The following NTM variants were observed in gnomAD, a reference collection of about 807,000 sequenced individuals.
NTM encodes the protein neurotrimin, also known as IgLON family member 2.
In NTM, 13 loss-of-function variants were observed where a neutral mutation model predicts 42.1. The ratio of observed to expected loss-of-function variants is 0.31; its 90% confidence interval spans 0.20 to 0.49. The LOEUF (loss-of-function observed/expected upper bound fraction) is 0.49. Among genes scored for constraint, NTM ranks in the 20% least tolerant of loss-of-function variants. The pLI, the probability that NTM is intolerant of heterozygous loss-of-function variation, is 0.99. For synonymous variants in NTM, 187 were observed against 179.2 expected, an observed-to-expected ratio of 1.04 and a Z score of -0.35; for missense variants, 373 against 452.8, an observed-to-expected ratio of 0.82 and a Z score of 1.60.
chr11:132,178,173 T>A (rs1327952330), intron 3 of NTM, among the ~76,000 whole-genome samples: 2 of 152,314 alleles, frequency 1.3e-5, no homozygotes, highest in African/African-American at 4.8e-5. Context: ...GGAGGCTGGC[T>A]CCGCAGGATC....
chr11:132,220,440 A>G (rs904221445), intron 4 of NTM, among the ~76,000 whole-genome samples: 1 of 152,242 alleles, frequency 6.6e-6, no homozygotes, highest in African/African-American at 2.4e-5. Context: ...TTTAATATTT[A>G]TGATCTGGTT....
At chr11:132,308,264 T>C (rs2095164161) in intron 5 of NTM, among the ~76,000 whole-genome samples, 1 of 152,226 alleles carries the variant, frequency 6.6e-6, no homozygotes, top group Non-Finnish European at 1.5e-5. Context: ...CTTCCATTTA[T>C]GGTATGTCTA....
chr11:132,061,522 T>C (rs943132964), intron 2 of NTM, among the ~76,000 whole-genome samples: 1 of 152,206 alleles, frequency 6.6e-6, no homozygotes, highest in Non-Finnish European at 1.5e-5. Context: ...TGAGTTAGAT[T>C]GAATCAAATT....
At chr11:131,644,947 G>C (rs939528930) in intron 1 of NTM, among the ~76,000 whole-genome samples, 2 of 152,050 alleles carry the variant, frequency 1.3e-5, no homozygotes, top group African/African-American at 4.8e-5. Context: ...TCCATCAAGT[G>C]CTCCTTCGAC....
chr11:131,550,562 C>A (rs1177706154), intron 1 of NTM, among the ~76,000 whole-genome samples: 1 of 152,168 alleles, frequency 6.6e-6, no homozygotes, highest in Non-Finnish European at 1.5e-5. Flanking sequence ...GCCTTCTTCC[C>A]CTTCGCCTTC....
intron 1 of NTM, among the ~76,000 whole-genome samples, chr11:131,826,649 A>G (rs930150461): frequency 3.3e-5 from 5 of 151,596 alleles, no homozygotes; most frequent in Non-Finnish European, 7.4e-5. Context: ...AAAGGCCAGG[A>G]GTGGGAGGGC....
chr11:132,191,007 C>T (rs902821772), intron 3 of NTM, among the ~76,000 whole-genome samples: 3 of 151,912 alleles, frequency 2.0e-5, no homozygotes, highest in Non-Finnish European at 4.4e-5. Context: ...GTGGAATGTC[C>T]GTGCAAACAG....
Position 132,219,292 on chromosome 11 carries a change from A to G in NTM, c.526+7145A>G, listed in dbSNP as rs149185011. Among the ~76,000 whole-genome samples, 1,260 of 152,174 alleles carry G rather than the reference A, an allele frequency of 8.3e-3. 21 individuals carry two copies. The highest frequency in any genetic ancestry group is 0.029 in the African/African-American group (1,207 of 41,512). On this transcript the variant is annotated intron_variant, in intron 4 of 8. Coordinates refer to ENST00000683400, the MANE Select transcript of NTM (RefSeq NM_001352005.2). Reference sequence around the variant, plus strand: ...CAGCACTTTGCGTGCATTTCCAACTATGGCACCTCTTACAGGTACTCAAGG... The same window carrying G: ...CAGCACTTTGCGTGCATTTCCAACTGTGGCACCTCTTACAGGTACTCAAGG...
intron 2 of NTM, among the ~76,000 whole-genome samples, chr11:131,939,826 C>G (rs956491791): frequency 3.3e-5 from 5 of 152,092 alleles, no homozygotes; most frequent in African/African-American, 9.7e-5. Context: ...ATGTTATGCT[C>G]TGTGTACAGA....
At chr11:132,174,315 G>C (rs1427003516) in intron 3 of NTM, among the ~76,000 whole-genome samples, 1 of 152,154 alleles carries the variant, frequency 6.6e-6, no homozygotes, top group Non-Finnish European at 1.5e-5. Flanking sequence ...ACTGCAAAGA[G>C]TTATTGTAAG....
chr11:131,850,286 T>G (rs1019683827), intron 1 of NTM, among the ~76,000 whole-genome samples: 1 of 152,136 alleles, frequency 6.6e-6, no homozygotes, highest in South Asian at 2.1e-4. Context: ...TAGGTTAAAT[T>G]TGCATACTTG....
chr11:132,051,949 G>A (rs2078912621), intron 2 of NTM, among the ~76,000 whole-genome samples: 1 of 152,180 alleles, frequency 6.6e-6, no homozygotes, highest in South Asian at 2.1e-4. Context: ...AGCTCACTGA[G>A]GGATGTTACT....
intron 2 of NTM, among the ~76,000 whole-genome samples, chr11:132,084,308 A>G (rs557301288): frequency 6.6e-6 from 1 of 152,294 alleles, no homozygotes; most frequent in East Asian, 1.9e-4. Flanking sequence ...TATAATACTT[A>G]ACACCCTTAA....
At chr11:131,956,349 A>G (rs1186012268) in intron 2 of NTM, among the ~76,000 whole-genome samples, 1 of 152,212 alleles carries the variant, frequency 6.6e-6, no homozygotes, top group East Asian at 1.9e-4. Context: ...TGTCCACATT[A>G]AAAAGGCATT....
chr11:132,162,285 G>C (rs558799061), intron 3 of NTM, among the ~76,000 whole-genome samples: 2 of 151,630 alleles, frequency 1.3e-5, no homozygotes, highest in Non-Finnish European at 2.9e-5. Flanking sequence ...GTATGTAAGT[G>C]CTTGTGTATG....
At chr11:132,019,617 TA>T (rs1047046133) in intron 2 of NTM, among the ~76,000 whole-genome samples, 20 of 152,094 alleles carry the variant, frequency 1.3e-4, no homozygotes, top group African/African-American at 4.8e-4. Flanking sequence ...TTTCTGGTAT[TA>T]AAAAAATTTC....
At chr11:131,649,986 T>C (rs2066267323) in intron 1 of NTM, among the ~76,000 whole-genome samples, 1 of 152,162 alleles carries the variant, frequency 6.6e-6, no homozygotes, top group Non-Finnish European at 1.5e-5. Flanking sequence ...TCTTTCCCGT[T>C]TATCTGATGA....
At chr11:131,428,636 G>T (rs1393380218) in intron 1 of NTM, among the ~76,000 whole-genome samples, 1 of 152,118 alleles carries the variant, frequency 6.6e-6, no homozygotes, top group Non-Finnish European at 1.5e-5. Flanking sequence ...AGAACAGGAA[G>T]AAATTAATAC....
At chr11:131,457,180 T>A (rs11222632) in intron 1 of NTM, among the ~76,000 whole-genome samples, 12,311 of 152,166 alleles carry the variant, frequency 0.081, 1,268 homozygotes, top group African/African-American at 0.23. Context: ...AAGGCAAAAC[T>A]AACTAGCAAA....
Sources: gnomAD v4.1 joint callset for allele counts (sites outside exome capture counted in the v4.1 genomes callset) on GRCh38, gnomAD v4.1.1 for gene constraint, MANE v1.5 for transcripts, NCBI Gene and HGNC (gene_info 2026-07-23, HGNC 2026-07-21) for gene names.